CCDC3: variants seen among roughly 807,000 people sequenced by gnomAD.
The protein encoded by CCDC3 is coiled-coil domain-containing protein 3.
In CCDC3, 24 loss-of-function variants were observed where a neutral mutation model predicts 21.4. The ratio of observed to expected loss-of-function variants is 1.12; its 90% CI spans 0.81 to 1.58. The LOEUF is 1.58. Ranked by LOEUF, CCDC3 falls within the 40% of genes most tolerant of loss-of-function variation. The probability of loss-of-function intolerance (pLI) is 0.00; values close to 1 mark genes in which losing one functional copy is unlikely to be tolerated. For missense variants in CCDC3, 425 were observed against 360.9 expected (o/e 1.18, Z -1.44); for synonymous variants, 186 against 166.0 (o/e 1.12, Z -0.93).
intron 4 of CCDC3, among the ~76,000 whole-genome samples, chr10:13,051,728 G>A (rs1326299871): frequency 6.6e-6 from 1 of 152,154 alleles, no homozygotes; most frequent in Non-Finnish European, 1.5e-5. Flanking sequence ...AGGAGGACTG[G>A]GGGTGGTATG....
intron 5 of CCDC3, among the ~76,000 whole-genome samples, chr10:13,035,351 A>T (rs1250267910): frequency 6.6e-6 from 1 of 152,218 alleles, no homozygotes; most frequent in Non-Finnish European, 1.5e-5. Flanking sequence ...GCAGTTACAC[A>T]TTAGACATTA....
intron 1 of CCDC3, 109 bp from the exon 2 acceptor site, chr10:12,998,621 T>C (rs1589035664): frequency 1.1e-6 from 1 of 925,946 alleles, no homozygotes; most frequent in Non-Finnish European, 1.7e-6. Flanking sequence ...CACATCAATG[T>C]CTGGCATGGC....
chr10:13,066,624 A>G (rs1836822331), intron 4 of CCDC3, among the ~76,000 whole-genome samples: 1 of 152,240 alleles, frequency 6.6e-6, no homozygotes, highest in East Asian at 1.9e-4. Context: ...GCCTAGGCAG[A>G]TAAAACAGTG....
chr10:13,016,655 T>G (rs1836066298), intron 5 of CCDC3, among the ~76,000 whole-genome samples: 1 of 151,996 alleles, frequency 6.6e-6, no homozygotes, highest in Admixed American at 6.6e-5. Flanking sequence ...GGAATGGAAC[T>G]TGGGGTTAGG....
chr10:12,908,618 T>TTTTC (rs1834215783), intron 2 of CCDC3, among the ~76,000 whole-genome samples: 1 of 151,442 alleles, frequency 6.6e-6, no homozygotes, highest in African/African-American at 2.4e-5. Context: ...TTTTCTTTTT[T>TTTTC]TTTTTTTTTG....
intron 5 of CCDC3, among the ~76,000 whole-genome samples, chr10:13,047,418 T>C (rs1836543559): frequency 1.3e-5 from 2 of 152,174 alleles, no homozygotes; most frequent in East Asian, 3.8e-4. Flanking sequence ...TTTGAAATGT[T>C]AGGGATCCCC....
chr10:12,948,681 A>C (rs188365232), intron 2 of CCDC3, among the ~76,000 whole-genome samples: 1 of 151,352 alleles, frequency 6.6e-6, no homozygotes, highest in East Asian at 2.0e-4. Context: ...TTGGTGACCA[A>C]CTGAAGACGA....
At chr10:13,061,960 A>G (rs1442088522) in intron 4 of CCDC3, among the ~76,000 whole-genome samples, 2 of 152,040 alleles carry the variant, frequency 1.3e-5, no homozygotes, top group African/African-American at 2.4e-5. Flanking sequence ...TTAGAGATGT[A>G]AATTTCCCCC....
chr10:12,985,957 GCTCCGC>G (rs1292796532), intron 2 of CCDC3, among the ~76,000 whole-genome samples: 15 of 152,164 alleles, frequency 9.9e-5, no homozygotes, highest in Non-Finnish European at 1.9e-4. Context: ...CTCACTGCAA[GCTCCGC>G]CTCCCGGGTT....
At chr10:13,032,864 A>G (rs1836324109) in intron 5 of CCDC3, among the ~76,000 whole-genome samples, 1 of 152,230 alleles carries the variant, frequency 6.6e-6, no homozygotes, top group South Asian at 2.1e-4. Flanking sequence ...AGGGAAGAAC[A>G]TTCCATGCTC....
chr10:13,084,556 G>C (rs1042986707), intron 3 of CCDC3, among the ~76,000 whole-genome samples: 1 of 152,048 alleles, frequency 6.6e-6, no homozygotes, highest in Admixed American at 6.6e-5. Context: ...CAAAGTGCTG[G>C]GATTACAGGC....
At chr10:13,033,740 A>T (rs2580905) in intron 5 of CCDC3, among the ~76,000 whole-genome samples, 57,626 of 152,156 alleles carry the variant, frequency 0.38, 11,438 homozygotes, top group East Asian at 0.7. Flanking sequence ...CACGTGAAAA[A>T]ATGCTCGTCA....
chr10:12,918,888 C>T (rs1353160344), intron 2 of CCDC3, among the ~76,000 whole-genome samples: 1 of 152,056 alleles, frequency 6.6e-6, no homozygotes. Flanking sequence ...CCCATCTCTA[C>T]TAAAAAAATA....
intron 2 of CCDC3, among the ~76,000 whole-genome samples, chr10:12,979,052 T>C: frequency 6.6e-6 from 1 of 152,086 alleles, no homozygotes; most frequent in East Asian, 1.9e-4. Flanking sequence ...GAAGATCACA[T>C]ATCTCCCCAG....
At chr10:12,962,693 G>T (rs1835198742) in intron 2 of CCDC3, among the ~76,000 whole-genome samples, 1 of 152,168 alleles carries the variant, frequency 6.6e-6, no homozygotes, top group African/African-American at 2.4e-5. Context: ...ACATCAAGGG[G>T]TCAGAAGGAA....
Position 12,898,387 on chromosome 10 carries a change from C to T in CCDC3, c.*29G>A. ...CATTCTCAATTACCGTCAGGATTGG[C>T]CCTGCACACCTGGCAGCCCCCAGGC... On this transcript the variant is annotated 3_prime_UTR_variant, in exon 3 of 3. Transcript: ENST00000378825. 2 of 1,563,142 alleles carry T rather than the reference C, an allele frequency of 1.3e-6. No individual in the cohort carries two copies. Among genetic ancestry groups the T allele is most frequent in the Non-Finnish European group, 1.7e-6 (2 of 1,154,654 alleles).
rs144679549 is a variant in CCDC3 at position 12,998,378 on chromosome 10, G to C, written c.509C>G (p.Ala170Gly). The change falls in exon 2 of 3, where the codon GCG becomes GGG. Residue 170 changes from alanine (A) to glycine (G), a missense_variant. Coordinates refer to ENST00000378825, the MANE Select transcript of CCDC3 (RefSeq NM_031455.4). ...FSNCSQGQQL[A>G]TFSSDWEIQE... ...GATTTCCCAGTCACTGGAGAAAGTC[G>C]CCAGCTGCTGCCCTTGCGAACAGTT... The C allele has an allele frequency of 3.1e-6, 5 of 1,614,056 alleles. No homozygotes were observed. Among genetic ancestry groups the C allele is most frequent in the Non-Finnish European group, 8.5e-7 (1 of 1,180,002 alleles).
At position 13,029,690 on chromosome 10, in the gene CCDC3, G is replaced by A. The variant is rs140168521; in HGVS notation, c.-2+19984C>T. The stretch of plus-strand genomic sequence containing the variant: ...AATCATGGTACGAGAACTACATGAC[G>A]CATGCACAAGCTTCAGCAGCCGATT... On this transcript the variant is annotated intron_variant, in intron 5 of 6. Transcript: ENST00000378839. Among the ~76,000 whole-genome samples, 894 of 152,272 alleles carry A rather than the reference G, an allele frequency of 5.9e-3. 3 individuals are homozygous for A. The highest frequency in any genetic ancestry group is 0.01 in the Non-Finnish European group (708 of 68,028).
At chr10:12,986,603 T>A (rs1335105346) in intron 2 of CCDC3, among the ~76,000 whole-genome samples, 2 of 152,056 alleles carry the variant, frequency 1.3e-5, no homozygotes, top group African/African-American at 2.4e-5. Context: ...TGAAACCCCA[T>A]CTCCACTAAA....
Sources: allele counts gnomAD v4.1 joint callset (sites outside exome capture counted in the v4.1 genomes callset), GRCh38; gene constraint gnomAD v4.1.1; transcripts MANE v1.5; gene names NCBI Gene and HGNC (gene_info 2026-07-23, HGNC 2026-07-21).